TMEM131: variants seen among roughly 807,000 people sequenced by gnomAD.
The protein encoded by TMEM131 is transmembrane protein 131.
TMEM131 carries 66 observed loss-of-function variants against 211.6 expected under a neutral mutation model. That is an observed-to-expected ratio of 0.31 (90% CI 0.26 to 0.38). The LOEUF (loss-of-function observed/expected upper bound fraction) is 0.38, where lower values mean the gene tolerates loss of function less well. Ranked by LOEUF, TMEM131 falls within the 10% of genes least tolerant of loss-of-function variation. The probability of loss-of-function intolerance (pLI) is 1.00; values close to 1 mark genes in which losing one functional copy is unlikely to be tolerated. For synonymous variants in TMEM131, 844 were observed against 841.3 expected (o/e 1.00, Z -0.06); for missense variants, 2,036 against 2,299.3 (o/e 0.89, Z 2.34).
intron 19 of TMEM131, among the ~76,000 whole-genome samples, chr2:97,807,830 A>G (rs1235391119): frequency 1.5e-5 from 1 of 64,844 alleles, no homozygotes; most frequent in Non-Finnish European, 3.5e-5. Flanking sequence ...TTGGATAAAT[A>G]ACGAAGAGTT....
chr2:97,908,848 A>G, intron 2 of TMEM131, 150 bp from the exon 3 acceptor site: 1 of 588,114 alleles, frequency 1.7e-6, no homozygotes, highest in Non-Finnish European at 3.0e-6. Context: ...CAAATCACAT[A>G]CAATGACTAG....
At position 97,758,976 on chromosome 2, in the gene TMEM131, G is replaced by A; in HGVS notation, c.5284C>T (p.Pro1762Ser). 7.4e-6 allele frequency: 12 copies of A among 1,613,986 alleles called. No individual in the cohort carries two copies. The highest frequency in any genetic ancestry group is 1.0e-5 in the Non-Finnish European group (12 of 1,179,858). The change falls in exon 40 of 41, where the codon CCT becomes TCT. Residue 1762 changes from proline (P) to serine (S), a missense_variant. Around this residue, in one of 3 missense-constraint regions of TMEM131, gnomAD observed 1,623 missense variants for 1,805.9 expected, o/e 0.90. Coordinates refer to ENST00000186436, the MANE Select transcript of TMEM131 (RefSeq NM_015348.2). ...GCTGGCGACTCCCAAAGGTATGAAG[G>A]GCCACTATTAAACTCGTTCCAGCTC... The part of the protein sequence containing the change: ...QRSWNEFNSG[P>S]SYLWESPATD...
rs573074085 is a variant in TMEM131 at position 97,961,960 on chromosome 2, A to G, written c.187+33516T>C. The stretch of plus-strand genomic sequence containing the variant: ...ATTTACATATTCCCATTATTTGAAT[A>G]CGCAAATAATGAATATTGACTCCCA... On this transcript the variant is annotated intron_variant, in intron 1 of 40. Coordinates refer to ENST00000186436, the MANE Select transcript of TMEM131 (RefSeq NM_015348.2). Among the ~76,000 whole-genome samples the G allele has an allele frequency of 1.4e-4, 21 of 152,300 alleles. No individual in the cohort carries two copies. In the South Asian group the frequency reaches 4.4e-3, roughly 32 times the overall value.
chr2:97,805,489 C>T (rs1681253018), intron 20 of TMEM131, 38 bp from the exon 21 acceptor site: 1 of 1,613,170 alleles, frequency 6.2e-7, no homozygotes, highest in Admixed American at 1.7e-5. Context: ...ATCCCAAATC[C>T]ACAGGAGGTC....
chr2:97,798,684 T>C (rs1680884796), intron 25 of TMEM131, among the ~76,000 whole-genome samples: 1 of 152,252 alleles, frequency 6.6e-6, no homozygotes, highest in Non-Finnish European at 1.5e-5. Context: ...CAGTTTTGCA[T>C]CCTGAAAACT....
At chr2:97,860,406 A>T (rs528596283) in intron 4 of TMEM131, among the ~76,000 whole-genome samples, 56 of 152,068 alleles carry the variant, frequency 3.7e-4, no homozygotes, top group African/African-American at 1.3e-3. Context: ...CCCTTCTTTC[A>T]CAAGGTCCTC....
At chr2:97,834,720 G>A in intron 9 of TMEM131, 43 bp from the exon 10 acceptor site, 1 of 1,602,120 alleles carries the variant, frequency 6.2e-7, no homozygotes. Flanking sequence ...CACTTTGCCA[G>A]AGTAAGCTAT....
At chr2:97,943,729 G>A (rs111634681) in intron 1 of TMEM131, among the ~76,000 whole-genome samples, 5 of 152,270 alleles carry the variant, frequency 3.3e-5, no homozygotes, top group South Asian at 2.1e-4. Flanking sequence ...AAAACTTCCC[G>A]ATTTCAAAAC....
chr2:97,837,149 T>G lies in TMEM131; in HGVS notation c.732A>C (p.Glu244Asp). 6.3e-7 allele frequency: 1 copy of G among 1,593,072 alleles called. No homozygotes were observed. Among genetic ancestry groups the G allele is most frequent in the Middle Eastern group, 1.7e-4 (1 of 5,958 alleles). Residue 244 changes from glutamate (E) to aspartate (D), a missense_variant, in exon 8 of 41, where the codon GAA (glutamate) becomes GAC (aspartate). Glu to Asp is a conservative substitution (Grantham distance 45). Coordinates refer to ENST00000186436, the MANE Select transcript of TMEM131 (RefSeq NM_015348.2). ...GAAGGTCTCCTCCACTAGAGTACAT[T>G]TCTACAACCTGGGGCAAAAGAGCAC... Reference protein sequence around the residue: ...NPHSEPLQVVEMYSSGGDLHL... With the variant: ...NPHSEPLQVVDMYSSGGDLHL...
chr2:97,880,987 C>G (rs1179645557), intron 4 of TMEM131, among the ~76,000 whole-genome samples: 2 of 152,174 alleles, frequency 1.3e-5, no homozygotes, highest in African/African-American at 4.8e-5. Flanking sequence ...CACTCTCCAA[C>G]AGATCAAAGT....
chr2:97,778,927 A>C (rs961490751), intron 31 of TMEM131, among the ~76,000 whole-genome samples: 4 of 152,184 alleles, frequency 2.6e-5, no homozygotes, highest in African/African-American at 9.7e-5. Context: ...TCAACAATCC[A>C]AGTCCCAAAT....
chr2:97,932,458 C>A (rs1321378569), intron 1 of TMEM131, among the ~76,000 whole-genome samples: 1 of 152,170 alleles, frequency 6.6e-6, no homozygotes, highest in Admixed American at 6.5e-5. Flanking sequence ...ATATCATCAA[C>A]TTCCTAAAGA....
intron 3 of TMEM131, among the ~76,000 whole-genome samples, chr2:97,890,161 A>G (rs1675321510): frequency 6.6e-6 from 1 of 152,232 alleles, no homozygotes; most frequent in Non-Finnish European, 1.5e-5. Flanking sequence ...TAGATTATTC[A>G]AAGTGTAACA....
At chr2:97,815,603 T>C (rs1681785954) in intron 12 of TMEM131, among the ~76,000 whole-genome samples, 1 of 152,220 alleles carries the variant, frequency 6.6e-6, no homozygotes, top group Admixed American at 6.5e-5. Context: ...TTGGCTTTAC[T>C]TACAGCAGAA....
At chr2:97,805,855 C>T (rs1681270796) in intron 19 of TMEM131, among the ~76,000 whole-genome samples, 152 bp from the exon 20 acceptor site, 2 of 152,184 alleles carry the variant, frequency 1.3e-5, no homozygotes, top group South Asian at 2.1e-4. Flanking sequence ...AAATTGTAAT[C>T]AACAGCCAAA....
At chr2:97,828,249 T>C (rs914579189) in intron 11 of TMEM131, among the ~76,000 whole-genome samples, 5 of 152,150 alleles carry the variant, frequency 3.3e-5, no homozygotes, top group Non-Finnish European at 1.5e-5. Flanking sequence ...AAAAAATAAT[T>C]ACAATACATG....
chr2:97,911,480 A>C (rs1313757770), intron 2 of TMEM131: 1 of 186,800 alleles, frequency 5.4e-6, no homozygotes, highest in African/African-American at 2.4e-5. Flanking sequence ...AGAATTCTAG[A>C]GCATGAGAAG....
chr2:97,842,610 G>A (rs1683250197), intron 6 of TMEM131, among the ~76,000 whole-genome samples: 1 of 152,118 alleles, frequency 6.6e-6, no homozygotes, highest in African/African-American at 2.4e-5. Flanking sequence ...TCCAGTGAGA[G>A]TGGCCTGGAA....
intron 1 of TMEM131, among the ~76,000 whole-genome samples, chr2:97,964,962 C>G (rs2104579898): frequency 6.6e-6 from 1 of 152,254 alleles, no homozygotes; most frequent in Non-Finnish European, 1.5e-5. Flanking sequence ...GAGTTGGTCT[C>G]CCCTGTGTGA....
Sources: allele counts gnomAD v4.1 joint callset (sites outside exome capture counted in the v4.1 genomes callset), GRCh38; gene constraint gnomAD v4.1.1; regional missense constraint gnomAD v4.1.1; transcripts MANE v1.5; gene names NCBI Gene and HGNC (gene_info 2026-07-23, HGNC 2026-07-21).